Variants in RAD18 observed in about 807,000 individuals in gnomAD.
RAD18 encodes the protein RAD18 E3 ubiquitin protein ligase.
Under a neutral mutation model 60.4 loss-of-function variants are expected in RAD18, and 47 were observed. The ratio of observed to expected loss-of-function variants is 0.78; its 90% confidence interval spans 0.62 to 0.99. The LOEUF is 0.99. Among genes scored for constraint, RAD18 ranks in the 50% least tolerant of loss-of-function variants. The pLI, the probability that RAD18 is intolerant of heterozygous loss-of-function variation, is 0.00. For synonymous variants in RAD18, 225 were observed against 195.5 expected, an observed-to-expected ratio of 1.15 and a Z score of -1.26; for missense variants, 640 against 593.3, an observed-to-expected ratio of 1.08 and a Z score of -0.82.
At chr3:8,893,682 T>C (rs1043287742) in intron 11 of RAD18, among the ~76,000 whole-genome samples, 2 of 147,702 alleles carry the variant, frequency 1.4e-5, no homozygotes, top group African/African-American at 2.5e-5. Context: ...TTGTACACAT[T>C]AGCTTTTTTA....
In RAD18 at chr3:8,963,411, C is replaced by T; in HGVS notation, c.-26G>A. On this transcript the variant is annotated 5_prime_UTR_variant, in exon 1 of 13. Coordinates refer to ENST00000264926, the MANE Select transcript of RAD18 (RefSeq NM_020165.4). The stretch of plus-strand genomic sequence containing the variant: ...GGTCGCTCCCGAGGATGCTGGGGGT[C>T]AGCCACCCACTAGCCTCCGGCGCTC... 1 of 1,569,972 alleles carries T rather than the reference C, an allele frequency of 6.4e-7. No homozygotes were observed. The highest frequency in any genetic ancestry group is 1.4e-5 in the African/African-American group (1 of 73,024).
chr3:8,930,432 T>C (rs1335309389), intron 7 of RAD18, among the ~76,000 whole-genome samples: 1 of 152,198 alleles, frequency 6.6e-6, no homozygotes, highest in African/African-American at 2.4e-5. Context: ...TGCTAATGGA[T>C]ACTGGGCTCT....
intron 9 of RAD18, among the ~76,000 whole-genome samples, chr3:8,903,407 GA>G (rs45564235): frequency 0.2 from 29,723 of 152,022 alleles, 4,395 homozygotes; most frequent in African/African-American, 0.41. Context: ...CATAACAAAG[GA>G]ATGTCCGTCT....
intron 11 of RAD18, among the ~76,000 whole-genome samples, chr3:8,895,130 A>C (rs1352774908): frequency 2.0e-5 from 3 of 152,170 alleles, no homozygotes; most frequent in Non-Finnish European, 4.4e-5. Flanking sequence ...AGTTCCAAAA[A>C]AAAAAACTCA....
chr3:8,938,757 T>C (rs976674524), intron 6 of RAD18, among the ~76,000 whole-genome samples: 8 of 152,216 alleles, frequency 5.3e-5, no homozygotes, highest in Admixed American at 4.6e-4. Flanking sequence ...TTGATCTTTA[T>C]GCCACTCACT....
At chr3:8,909,928 A>G (rs753438217) in intron 9 of RAD18, among the ~76,000 whole-genome samples, 2 of 152,244 alleles carry the variant, frequency 1.3e-5, no homozygotes, top group Non-Finnish European at 2.9e-5. Context: ...AGTTTAGACA[A>G]GCTTGCATAC....
At chr3:8,959,944 T>G in intron 1 of RAD18, among the ~76,000 whole-genome samples, 1 of 147,760 alleles carries the variant, frequency 6.8e-6, no homozygotes, top group African/African-American at 2.5e-5. Context: ...CCAAGATAAG[T>G]GAAAAAAGGA....
At chr3:8,913,791 A>T in intron 7 of RAD18, 71 bp from the exon 8 acceptor site, 1 of 996,556 alleles carries the variant, frequency 1.0e-6, no homozygotes, top group African/African-American at 1.7e-5. Flanking sequence ...TAATTATTTA[A>T]GTTGTTAACA....
At chr3:8,923,106 A>C (rs949517301) in intron 7 of RAD18, among the ~76,000 whole-genome samples, 5 of 152,176 alleles carry the variant, frequency 3.3e-5, no homozygotes, top group African/African-American at 1.2e-4. Context: ...TCAGATGATC[A>C]AACTTCCCCG....
chr3:8,948,527 CT>C lies in RAD18; in HGVS notation c.176del (p.Gln59ArgfsTer7). 1 of 1,612,890 alleles carries C rather than the reference CT, an allele frequency of 6.2e-7. No individual in the cohort carries two copies. The highest frequency in any genetic ancestry group is 1.3e-5 in the African/African-American group (1 of 74,994). ...AACTCACCACACAGCAAGTTGGACACTGAGTTTTATAGGACAGAAATTTTCT... is the reference window on the plus strand; with the variant it reads ...AACTCACCACACAGCAAGTTGGACACGAGTTTTATAGGACAGAAATTTTCT... Reference protein sequence around the residue: ...CIRKFLSYKTQCPTCCVTVTE... With the variant: ...CIRKFLSYKTXCPTCCVTVTE... On this transcript the variant is annotated frameshift_variant, in exon 3 of 13. Transcript: ENST00000264926. LOFTEE classifies it high-confidence loss of function.
chr3:8,928,952 A>T (rs1940499230), intron 7 of RAD18, among the ~76,000 whole-genome samples: 1 of 84,666 alleles, frequency 1.2e-5, no homozygotes, highest in African/African-American at 3.9e-5. Context: ...AAGGTATCTA[A>T]GAAATAACCA....
intron 7 of RAD18, among the ~76,000 whole-genome samples, chr3:8,934,829 A>C (rs1940621443): frequency 6.6e-6 from 1 of 152,262 alleles, no homozygotes; most frequent in Non-Finnish European, 1.5e-5. Flanking sequence ...ATGTTTATTA[A>C]ACACTGAATG....
intron 2 of RAD18, among the ~76,000 whole-genome samples, chr3:8,957,661 A>G (rs138419707): frequency 2.6e-5 from 4 of 152,204 alleles, no homozygotes; most frequent in African/African-American, 9.7e-5. Context: ...ACTTAGGCCT[A>G]AACAATTGGT....
chr3:8,898,858 G>T, intron 11 of RAD18, 36 bp downstream of exon 11: 1 of 1,476,106 alleles, frequency 6.8e-7, no homozygotes. Flanking sequence ...ATATGAAGTA[G>T]ATATTTAAAA....
chr3:8,925,906 G>A (rs140138107), intron 7 of RAD18, among the ~76,000 whole-genome samples: 5,518 of 152,208 alleles, frequency 0.036, 338 homozygotes, highest in African/African-American at 0.12. Context: ...TTCATGGGAC[G>A]TACCTCAAAA....
At chr3:8,918,126 T>G (rs1940241585) in intron 7 of RAD18, among the ~76,000 whole-genome samples, 1 of 152,186 alleles carries the variant, frequency 6.6e-6, no homozygotes, top group Non-Finnish European at 1.5e-5. Flanking sequence ...GAGACCAGCC[T>G]GACCAACATG....
chr3:8,914,780 A>C (rs1940168709), intron 7 of RAD18, among the ~76,000 whole-genome samples: 3 of 152,140 alleles, frequency 2.0e-5, no homozygotes, highest in Admixed American at 2.0e-4. Flanking sequence ...TTTGCATTCT[A>C]TCCAATCCAT....
At chr3:8,896,056 T>A (rs1000535937) in intron 11 of RAD18, among the ~76,000 whole-genome samples, 3 of 152,172 alleles carry the variant, frequency 2.0e-5, no homozygotes, top group African/African-American at 7.2e-5. Flanking sequence ...TACCCTCACA[T>A]CTTTCACGTG....
chr3:8,899,211 A>G (rs1350974623), intron 10 of RAD18, among the ~76,000 whole-genome samples, 164 bp from the exon 11 acceptor site: 2 of 152,200 alleles, frequency 1.3e-5, no homozygotes, highest in Admixed American at 6.5e-5. Context: ...TAACACTACA[A>G]TGGTGCTATC....
Sources: allele counts gnomAD v4.1 joint callset (sites outside exome capture counted in the v4.1 genomes callset), GRCh38; gene constraint gnomAD v4.1.1; transcripts MANE v1.5; gene names NCBI Gene and HGNC (gene_info 2026-07-23, HGNC 2026-07-21).